Variants in UNC5C observed in about 807,000 individuals in gnomAD.
UNC5C encodes the protein unc-5 netrin receptor C.
UNC5C carries 47 observed loss-of-function variants against 99.8 expected under a neutral mutation model. That is an observed-to-expected ratio of 0.47 (90% CI 0.37 to 0.60). The LOEUF (loss-of-function observed/expected upper bound fraction) is 0.60. UNC5C is among the 20% of genes least tolerant of loss of function. The pLI is 0.00. For missense variants in UNC5C, 1,062 were observed against 1,165.9 expected (o/e 0.91, Z 1.30); for synonymous variants, 487 against 452.2 (o/e 1.08, Z -0.98).
Position 95,342,998 on chromosome 4 carries a change from G to A in UNC5C, c.125-7367C>T, listed in dbSNP as rs555555491. Among the ~76,000 whole-genome samples, 202 of 151,774 alleles carry A rather than the reference G, an allele frequency of 1.3e-3. 1 individual carries two copies. The highest frequency in any genetic ancestry group is 4.6e-3 in the African/African-American group (192 of 41,392). On this transcript the variant is annotated intron_variant, in intron 1 of 15. Transcript: ENST00000453304. ...TGGCATGGGTGCCAGTTTAGCCACA[G>A]TAGAATAGAGTTCCAGGTAGATTCT...
Position 95,167,694 on chromosome 4 carries a change from A to G in UNC5C, c.*1540T>C, listed in dbSNP as rs1013728800. ...ATCTCTCAGTGAACAGCATAATGCA[A>G]TGATGCAGAGCGACTCAGGCCAAAC... On this transcript the variant is annotated 3_prime_UTR_variant, in exon 16 of 16. Coordinates refer to ENST00000453304, the MANE Select transcript of UNC5C (RefSeq NM_003728.4). The G allele has an allele frequency of 3.3e-5, 5 of 152,264 alleles. No homozygotes were observed. Among genetic ancestry groups the G allele is most frequent in the Admixed American group, 2.0e-4 (3 of 15,284 alleles). 9.4% of individuals were successfully genotyped at this position (152,264 alleles called of 1,614,324 possible).
chr4:95,430,983 A>C (rs1012826821), intron 1 of UNC5C, among the ~76,000 whole-genome samples: 2 of 151,888 alleles, frequency 1.3e-5, no homozygotes, highest in Non-Finnish European at 2.9e-5. Flanking sequence ...CTCCTTAGCC[A>C]CTCACACATC....
intron 1 of UNC5C, among the ~76,000 whole-genome samples, chr4:95,444,399 C>G (rs1457826512): frequency 6.6e-6 from 1 of 151,222 alleles, no homozygotes; most frequent in Non-Finnish European, 1.5e-5. Flanking sequence ...GGTGCGATCT[C>G]CGCTCACTGC....
intron 12 of UNC5C, among the ~76,000 whole-genome samples, chr4:95,193,251 C>T (rs1186151747): frequency 2.0e-5 from 3 of 152,168 alleles, no homozygotes; most frequent in Admixed American, 6.6e-5. Flanking sequence ...GAGGGAAAGT[C>T]GCTGAGATCG....
chr4:95,398,834 C>T (rs1435625183), intron 1 of UNC5C, among the ~76,000 whole-genome samples: 2 of 152,116 alleles, frequency 1.3e-5, no homozygotes, highest in Non-Finnish European at 2.9e-5. Flanking sequence ...TTTCTGCCTA[C>T]AGTGAATTCT....
In UNC5C at chr4:95,182,887, A is replaced by T. The variant is rs765744258; in HGVS notation, c.2451+10T>A. On this transcript the variant is annotated intron_variant, in intron 14 of 15. Coordinates refer to ENST00000453304, the MANE Select transcript of UNC5C (RefSeq NM_003728.4). The stretch of plus-strand genomic sequence containing the variant: ...TCTCCCCTGATTTCAGACAGACAGG[A>T]GCCACTTACCTCTGACACGGTGCAG... 1.2e-6 allele frequency: 2 copies of T among 1,604,990 alleles called. No individual in the cohort carries two copies. Among genetic ancestry groups the T allele is most frequent in the Non-Finnish European group, 1.7e-6 (2 of 1,172,856 alleles).
At chr4:95,505,804 A>G (rs1324337792) in intron 1 of UNC5C, among the ~76,000 whole-genome samples, 1 of 152,076 alleles carries the variant, frequency 6.6e-6, no homozygotes, top group Non-Finnish European at 1.5e-5. Context: ...AAAGGCAAAC[A>G]CCATAGTTTC....
At chr4:95,236,745 T>A (rs2149375896) in intron 7 of UNC5C, among the ~76,000 whole-genome samples, 1 of 152,322 alleles carries the variant, frequency 6.6e-6, no homozygotes, top group East Asian at 1.9e-4. Context: ...TAAATCCATA[T>A]TCTGCTTTTC....
chr4:95,516,903 T>C (rs980976362), intron 1 of UNC5C, among the ~76,000 whole-genome samples: 3 of 152,012 alleles, frequency 2.0e-5, no homozygotes, highest in East Asian at 1.9e-4. Context: ...CTGTTGTACA[T>C]ACACATGGAG....
At chr4:95,299,790 A>G (rs1741804842) in intron 3 of UNC5C, among the ~76,000 whole-genome samples, 1 of 152,192 alleles carries the variant, frequency 6.6e-6, no homozygotes, top group South Asian at 2.1e-4. Context: ...CACCCCCATG[A>G]TTCAGTTAAC....
At chr4:95,412,428 C>T (rs1261796272) in intron 1 of UNC5C, among the ~76,000 whole-genome samples, 1 of 151,902 alleles carries the variant, frequency 6.6e-6, no homozygotes, top group Non-Finnish European at 1.5e-5. Flanking sequence ...CATGTTAGGT[C>T]CCCTCCAATC....
intron 1 of UNC5C, among the ~76,000 whole-genome samples, chr4:95,490,811 G>C (rs1054650926): frequency 1.3e-5 from 2 of 151,688 alleles, no homozygotes; most frequent in Non-Finnish European, 2.9e-5. Flanking sequence ...TGTAACAAAT[G>C]ATTTAAAAAT....
At chr4:95,471,920 A>T (rs7681109) in intron 1 of UNC5C, among the ~76,000 whole-genome samples, 46,149 of 151,954 alleles carry the variant, frequency 0.3, 7,824 homozygotes, top group Non-Finnish European at 0.38. Context: ...GAGGTATTTT[A>T]GGCCTCAAGT....
chr4:95,290,707 C>T (rs920101585), intron 3 of UNC5C, among the ~76,000 whole-genome samples: 2 of 152,136 alleles, frequency 1.3e-5, no homozygotes, highest in Non-Finnish European at 2.9e-5. Flanking sequence ...ATGTTGGCTA[C>T]TAGGACAGAG....
intron 1 of UNC5C, among the ~76,000 whole-genome samples, chr4:95,511,039 T>G (rs1366977572): frequency 6.6e-6 from 1 of 152,128 alleles, no homozygotes; most frequent in African/African-American, 2.4e-5. Flanking sequence ...CCTGGGGATA[T>G]TGATTCAGAA....
chr4:95,477,111 C>T (rs891181053), intron 1 of UNC5C, among the ~76,000 whole-genome samples: 3 of 151,918 alleles, frequency 2.0e-5, no homozygotes, highest in African/African-American at 7.2e-5. Context: ...TAAAGATAAC[C>T]ATTAGGATGA....
At position 95,474,729 on chromosome 4, in the gene UNC5C, C is replaced by A. The variant is rs561588587; in HGVS notation, c.124+74005G>T. ...TAACGGAGAATAATAAAAACTTAGA[C>A]ATGCATGCATTATAATGTAGAGCTC... is the stretch of plus-strand genomic sequence containing the variant. On this transcript the variant is annotated intron_variant, in intron 1 of 15. Coordinates refer to ENST00000453304, the MANE Select transcript of UNC5C (RefSeq NM_003728.4). 1.4e-4 allele frequency among the ~76,000 whole-genome samples: 21 copies of A among 152,210 alleles called. No individual in the cohort carries two copies. In the South Asian group the frequency reaches 4.4e-3, roughly 32 times the overall value.
At chr4:95,171,447 G>C (rs936072813) in intron 14 of UNC5C, among the ~76,000 whole-genome samples, 6 of 145,614 alleles carry the variant, frequency 4.1e-5, no homozygotes, top group African/African-American at 1.5e-4. Flanking sequence ...GTGTCCATGT[G>C]TTCTCATTGT....
intron 3 of UNC5C, among the ~76,000 whole-genome samples, chr4:95,283,298 A>G (rs1197888984): frequency 6.6e-6 from 1 of 152,298 alleles, no homozygotes; most frequent in East Asian, 1.9e-4. Flanking sequence ...ACTGAATACC[A>G]CAGAATTATT....
Sources: allele counts gnomAD v4.1 joint callset (sites outside exome capture counted in the v4.1 genomes callset), GRCh38; gene constraint gnomAD v4.1.1; transcripts MANE v1.5; gene names NCBI Gene and HGNC (gene_info 2026-07-23, HGNC 2026-07-21).